The following AGBL4 variants were observed in gnomAD, a reference collection of about 807,000 sequenced individuals.
The protein encoded by AGBL4 is AGBL carboxypeptidase 4.
AGBL4 carries 58 observed loss-of-function variants against 66.4 expected under a neutral mutation model. The ratio of observed to expected loss-of-function variants is 0.87; its 90% confidence interval spans 0.71 to 1.09. The LOEUF (loss-of-function observed/expected upper bound fraction) is 1.09. Among genes scored for constraint, AGBL4 ranks in the 50% least tolerant of loss-of-function variants. AGBL4 has a pLI of 0.00. For synonymous variants in AGBL4, 234 were observed against 222.9 expected, an observed-to-expected ratio of 1.05 and a Z score of -0.44; for missense variants, 579 against 631.0, an observed-to-expected ratio of 0.92 and a Z score of 0.88.
At chr1:48,727,779 T>C in intron 6 of AGBL4, 1 of 1,119,734 alleles carries the variant, frequency 8.9e-7, no homozygotes. Context: ...GATGGATCCC[T>C]GCACACACAC....
rs1654640070 is a variant in AGBL4 at position 49,940,523 on chromosome 1, A to G, written c.34+83240T>C. On this transcript the variant is annotated intron_variant, in intron 1 of 13. Coordinates refer to ENST00000371839, the MANE Select transcript of AGBL4 (RefSeq NM_032785.4). ...ACACCATGGAATACTATGCAGCCAT[A>G]AAAAATGATGAGTTCATGTCCTTTG... 2.0e-5 allele frequency among the ~76,000 whole-genome samples: 3 copies of G among 152,180 alleles called. No homozygotes were observed. The South Asian group carries it at 6.2e-4, about 31-fold the overall frequency.
chr1:49,626,943 A>G (rs1407159046), intron 3 of AGBL4, among the ~76,000 whole-genome samples: 3 of 152,156 alleles, frequency 2.0e-5, no homozygotes, highest in Non-Finnish European at 2.9e-5. Context: ...TCTTTTTCTA[A>G]GATAGATTTA....
intron 6 of AGBL4, among the ~76,000 whole-genome samples, chr1:48,678,175 G>A (rs74648724): frequency 0.014 from 2,105 of 152,302 alleles, 55 homozygotes; most frequent in African/African-American, 0.048. Context: ...CAGCACCACG[G>A]TGGGGTAACT....
chr1:49,982,888 T>C (rs562005321), intron 1 of AGBL4, among the ~76,000 whole-genome samples: 6 of 152,160 alleles, frequency 3.9e-5, no homozygotes, highest in Middle Eastern at 3.4e-3. Context: ...TTGAGAGACA[T>C]TGGGGCAAAC....
intron 3 of AGBL4, among the ~76,000 whole-genome samples, chr1:49,437,183 T>G (rs2148663648): frequency 6.6e-6 from 1 of 152,310 alleles, no homozygotes; most frequent in Middle Eastern, 3.4e-3. Context: ...TTCCATTATC[T>G]TGATCCACTA....
chr1:49,740,394 A>T (rs1046100347), intron 2 of AGBL4, among the ~76,000 whole-genome samples: 3 of 152,210 alleles, frequency 2.0e-5, no homozygotes, highest in African/African-American at 7.2e-5. Flanking sequence ...ACCCAGATTC[A>T]TAAAGCAAGT....
At chr1:49,064,258 T>C (rs921138130) in intron 4 of AGBL4, among the ~76,000 whole-genome samples, 2 of 152,206 alleles carry the variant, frequency 1.3e-5, no homozygotes, top group Admixed American at 1.3e-4. Context: ...CTCTTCTCAA[T>C]AGCAATTTAT....
At chr1:49,211,070 C>T (rs1175886850) in intron 4 of AGBL4, among the ~76,000 whole-genome samples, 1 of 151,996 alleles carries the variant, frequency 6.6e-6, no homozygotes, top group African/African-American at 2.4e-5. Flanking sequence ...CAAGTCCGTC[C>T]CCAGCATGCA....
intron 3 of AGBL4, among the ~76,000 whole-genome samples, chr1:49,479,703 C>CT (rs1351125149): frequency 0.013 from 1,805 of 136,838 alleles, 23 homozygotes; most frequent in South Asian, 0.032. Flanking sequence ...TTCTTTTTTT[C>CT]TTTTTTTTTT....
intron 1 of AGBL4, among the ~76,000 whole-genome samples, chr1:49,927,397 G>C (rs1557587497): frequency 6.6e-6 from 1 of 152,118 alleles, no homozygotes; most frequent in Non-Finnish European, 1.5e-5. Context: ...AATCATACTG[G>C]AAGGCAAAGA....
chr1:49,434,531 C>T (rs1359268788), intron 3 of AGBL4, among the ~76,000 whole-genome samples: 1 of 152,166 alleles, frequency 6.6e-6, no homozygotes, highest in Non-Finnish European at 1.5e-5. Flanking sequence ...AGAGAAACTG[C>T]TCTGCATAAA....
intron 6 of AGBL4, among the ~76,000 whole-genome samples, chr1:48,689,219 A>AAGAAAAGAAAAGAAAAG (rs1553207681): frequency 8.5e-5 from 12 of 141,580 alleles, no homozygotes; most frequent in African/African-American, 3.7e-4. Flanking sequence ...AAAAAAAAAA[A>AAGAAAAGAAAAGAAAAG]AAAAGAAAAG....
intron 3 of AGBL4, among the ~76,000 whole-genome samples, chr1:49,353,180 G>GT (rs1422599859): frequency 2.0e-5 from 3 of 152,066 alleles, no homozygotes; most frequent in African/African-American, 4.8e-5. Flanking sequence ...GCTCTAGTCC[G>GT]TCTCTGCTGT....
chr1:48,793,002 G>C (rs1466885100), intron 6 of AGBL4, among the ~76,000 whole-genome samples: 1 of 152,094 alleles, frequency 6.6e-6, no homozygotes, highest in Admixed American at 6.6e-5. Context: ...ATGTAGCCCA[G>C]CTAAAAGTCT....
At chr1:48,878,407 C>T (rs553764892) in intron 5 of AGBL4, among the ~76,000 whole-genome samples, 3 of 152,268 alleles carry the variant, frequency 2.0e-5, no homozygotes, top group Admixed American at 2.0e-4. Context: ...CTTACCTCTG[C>T]CATACACTGT....
chr1:49,783,730 A>T (rs1304943235), intron 2 of AGBL4, among the ~76,000 whole-genome samples: 1 of 152,116 alleles, frequency 6.6e-6, no homozygotes, highest in Non-Finnish European at 1.5e-5. Flanking sequence ...TTTGCAAATA[A>T]CATGATACTA....
chr1:49,881,925 C>T (rs1345493930), intron 1 of AGBL4, among the ~76,000 whole-genome samples: 4 of 152,100 alleles, frequency 2.6e-5, no homozygotes, highest in African/African-American at 9.7e-5. Context: ...GCTTTGGTTG[C>T]CATTGCTTTT....
At chr1:50,012,524 T>A (rs957739972) in intron 1 of AGBL4, among the ~76,000 whole-genome samples, 17 of 152,070 alleles carry the variant, frequency 1.1e-4, no homozygotes, top group Admixed American at 9.2e-4. Flanking sequence ...TAAGAAAAAA[T>A]TTTAAATTAG....
At chr1:48,829,905 G>A (rs1404928449) in intron 6 of AGBL4, among the ~76,000 whole-genome samples, 2 of 151,992 alleles carry the variant, frequency 1.3e-5, no homozygotes, top group Admixed American at 6.6e-5. Flanking sequence ...CTATTAACAT[G>A]TGGGGTTGCA....
Sources: allele counts gnomAD v4.1 joint callset (sites outside exome capture counted in the v4.1 genomes callset), GRCh38; gene constraint gnomAD v4.1.1; transcripts MANE v1.5; gene names NCBI Gene and HGNC (gene_info 2026-07-23, HGNC 2026-07-21).